The following ATP8B1 variants were observed in gnomAD, a reference collection of about 807,000 sequenced individuals.
ATP8B1 encodes ATPase phospholipid transporting 8B1, also known as phospholipid-transporting ATPase IC.
ATP8B1 carries 80 observed loss-of-function variants against 149.9 expected under a neutral mutation model. That is an observed-to-expected ratio of 0.53 (90% CI 0.45 to 0.64). ATP8B1 has a LOEUF of 0.64. Ranked by LOEUF, ATP8B1 falls within the 30% of genes least tolerant of loss-of-function variation. The pLI is 0.00. For synonymous variants in ATP8B1, 536 were observed against 562.8 expected (o/e 0.95, Z 0.67); for missense variants, 1,247 against 1,552.6 (o/e 0.80, Z 3.31).
At chr18:57,660,206 A>G (rs1469671818) in intron 22 of ATP8B1, among the ~76,000 whole-genome samples, 1 of 152,202 alleles carries the variant, frequency 6.6e-6, no homozygotes, top group Non-Finnish European at 1.5e-5. Flanking sequence ...TACCAGCACA[A>G]CTGTATTTCT....
At chr18:57,663,761 A>ATTTTT (rs10598900) in intron 20 of ATP8B1, among the ~76,000 whole-genome samples, 2 of 97,460 alleles carry the variant, frequency 2.1e-5, no homozygotes, top group Non-Finnish European at 3.8e-5. Flanking sequence ...TGCTTTGCCC[A>ATTTTT]TTTTTTTTTT....
chr18:57,670,035 T>C (rs1911131244), intron 17 of ATP8B1, among the ~76,000 whole-genome samples: 1 of 152,230 alleles, frequency 6.6e-6, no homozygotes, highest in Non-Finnish European at 1.5e-5. Context: ...CTTACCTTTC[T>C]TCTAAATCTT....
At chr18:57,697,470 G>C in intron 8 of ATP8B1, 148 bp downstream of exon 8, 1 of 842,706 alleles carries the variant, frequency 1.2e-6, no homozygotes, top group South Asian at 1.4e-5. Flanking sequence ...ACTTCACAGA[G>C]GCGCAAAGGT....
At chr18:57,777,503 T>C (rs1287292149) in intron 1 of ATP8B1, among the ~76,000 whole-genome samples, 1 of 152,226 alleles carries the variant, frequency 6.6e-6, no homozygotes, top group Non-Finnish European at 1.5e-5. Context: ...TGATGGCCCG[T>C]GCCTTTGGGT....
In ATP8B1 at chr18:57,669,489, T is replaced by C. The variant is rs753278799; in HGVS notation, c.1933-7A>G. ...GAGTTTCATTTGCAAAGATCTGTTT[T>C]ATTTAAAAAAATAAATCCACCAATG... is the stretch of plus-strand genomic sequence containing the variant. On this transcript the variant is annotated splice_polypyrimidine_tract_variant and splice_region_variant and intron_variant, in intron 17 of 27. Transcript: ENST00000648908. 2 of 1,609,188 alleles carry C rather than the reference T, an allele frequency of 1.2e-6. No homozygotes were observed. Among genetic ancestry groups the C allele is most frequent in the Non-Finnish European group, 1.7e-6 (2 of 1,176,266 alleles).
intron 10 of ATP8B1, 115 bp downstream of exon 10, chr18:57,695,054 AAG>A: frequency 1.8e-5 from 14 of 790,820 alleles, no homozygotes; most frequent in Admixed American, 3.0e-5. Context: ...AAAAAAAAAA[AAG>A]CTCATGATGC....
intron 1 of ATP8B1, among the ~76,000 whole-genome samples, chr18:57,791,205 T>C (rs2080460404): frequency 6.6e-6 from 1 of 152,224 alleles, no homozygotes; most frequent in African/African-American, 2.4e-5. Flanking sequence ...TGAACTTGAC[T>C]ATTCTGGGCA....
intron 1 of ATP8B1, among the ~76,000 whole-genome samples, chr18:57,764,381 TTTTCTCTC>T (rs1312496196): frequency 2.7e-5 from 4 of 150,228 alleles, no homozygotes; most frequent in Admixed American, 6.7e-5. Context: ...TTCTTTCTCT[TTTTCTCTC>T]TTTCTCTCTT....
intron 13 of ATP8B1, among the ~76,000 whole-genome samples, chr18:57,686,227 G>A (rs564427790): frequency 1.1e-4 from 17 of 152,094 alleles, no homozygotes; most frequent in South Asian, 2.1e-4. Flanking sequence ...TCGCACCACT[G>A]CACTCCAGCC....
rs777459332 is a variant in ATP8B1 at position 57,652,544 on chromosome 18, G to A, written c.3201C>T (p.Ser1067=). 1.7e-5 allele frequency: 28 copies of A among 1,614,036 alleles called. No homozygotes were observed. Among genetic ancestry groups the A allele is most frequent in the Admixed American group, 1.0e-4 (6 of 60,004 alleles). The part of the protein sequence containing the change: ...QTVGQDGEAP[S]DYQSFAVTIA... ...TGGTGACGGCAAAAGACTGGTAGTCGGAAGGTGCCTCTCCATCCTGCCCTA... is the reference window on the plus strand; with the variant it reads ...TGGTGACGGCAAAAGACTGGTAGTCAGAAGGTGCCTCTCCATCCTGCCCTA... Residue 1067 remains serine (S), a synonymous_variant, in exon 25 of 28, where the codon TCC becomes TCT. Transcript: ENST00000648908.
At chr18:57,676,573 G>T (rs910439986) in intron 15 of ATP8B1, among the ~76,000 whole-genome samples, 2 of 151,704 alleles carry the variant, frequency 1.3e-5, no homozygotes, top group Non-Finnish European at 2.9e-5. Flanking sequence ...CAGAAAATTA[G>T]CCAGGCATGG....
At chr18:57,652,264 G>T in intron 25 of ATP8B1, 92 bp from the exon 26 acceptor site, 1 of 1,550,006 alleles carries the variant, frequency 6.5e-7, no homozygotes, top group Non-Finnish European at 8.9e-7. Flanking sequence ...AATTCAGCAA[G>T]TTAGGCATGA....
At chr18:57,781,655 T>C (rs1689389159) in intron 1 of ATP8B1, among the ~76,000 whole-genome samples, 1 of 152,178 alleles carries the variant, frequency 6.6e-6, no homozygotes, top group Non-Finnish European at 1.5e-5. Context: ...ATAACTTAAA[T>C]CCTAACACAG....
At position 57,655,167 on chromosome 18, in the gene ATP8B1, A is replaced by G. The variant is rs754815999; in HGVS notation, c.2931+27T>C. On this transcript the variant is annotated intron_variant, in intron 23 of 27. Transcript: ENST00000648908. ...TTCATTTAAGAGCTCTACTTAGTAA[A>G]TAACAATAATAACAACATTACATTA... is the stretch of plus-strand genomic sequence containing the variant. 3 of 1,552,672 alleles carry G rather than the reference A, an allele frequency of 1.9e-6. No homozygotes were observed. In the East Asian group the frequency reaches 6.7e-5, roughly 35 times the overall value.
chr18:57,710,520 G>C (rs1415796641), intron 2 of ATP8B1, among the ~76,000 whole-genome samples: 1 of 151,996 alleles, frequency 6.6e-6, no homozygotes, highest in Non-Finnish European at 1.5e-5. Flanking sequence ...CCAAGAAGCT[G>C]CACTGGTTGG....
intron 1 of ATP8B1, among the ~76,000 whole-genome samples, chr18:57,799,601 C>T (rs1203066530): frequency 4.0e-5 from 6 of 150,736 alleles, no homozygotes; most frequent in East Asian, 1.9e-4. Context: ...CTCAGTTACT[C>T]GGGAGGCTGA....
rs185921337 is a variant in ATP8B1 at position 57,651,999 on chromosome 18, C to G, written c.3400+35G>C. On this transcript the variant is annotated intron_variant, in intron 26 of 27. Coordinates refer to ENST00000648908, the MANE Select transcript of ATP8B1 (RefSeq NM_001374385.1). ...CAAAATCTAAACTAATGACATTTGT[C>G]TGTACATTTATTTTTGGAATTTGGA... 2.8e-5 allele frequency: 45 copies of G among 1,594,788 alleles called. No homozygotes were observed. The East Asian group carries it at 7.8e-4, about 28-fold the overall frequency.
chr18:57,650,768 C>T (rs915631586), intron 26 of ATP8B1, among the ~76,000 whole-genome samples: 4 of 152,030 alleles, frequency 2.6e-5, no homozygotes, highest in Non-Finnish European at 4.4e-5. Context: ...ACCCGGAAGG[C>T]GGAAGTTGCA....
Position 57,788,482 on chromosome 18 carries a change from G to C in ATP8B1, c.-26+14516C>G, listed in dbSNP as rs1056738032. On this transcript the variant is annotated intron_variant, in intron 1 of 27. Transcript: ENST00000648908. The stretch of plus-strand genomic sequence containing the variant: ...GGGCATGAGAATCGCTTGAACCCAG[G>C]AGGCAGAGGTCCTGGTGAGCCGTGA... Among the ~76,000 whole-genome samples, 3 of 151,718 alleles carry C rather than the reference G, an allele frequency of 2.0e-5. No individual in the cohort carries two copies. In the East Asian group the frequency reaches 5.8e-4, roughly 29 times the overall value.
Sources: gnomAD v4.1 joint callset for allele counts (sites outside exome capture counted in the v4.1 genomes callset) on GRCh38, gnomAD v4.1.1 for gene constraint, MANE v1.5 for transcripts, NCBI Gene and HGNC (gene_info 2026-07-23, HGNC 2026-07-21) for gene names.